The following NXPE1 variants were observed in gnomAD, a reference collection of about 807,000 sequenced individuals.
NXPE1 encodes NXPE family member 1.
NXPE1 carries 31 observed loss-of-function variants against 33.3 expected under a neutral mutation model. That is an observed-to-expected ratio of 0.93 (90% CI 0.70 to 1.26). The LOEUF is 1.26. Ranked by LOEUF, NXPE1 falls within the 50% of genes most tolerant of loss-of-function variation. The pLI, the probability that NXPE1 is intolerant of heterozygous loss-of-function variation, is 0.00. For synonymous variants in NXPE1, 229 were observed against 231.4 expected (o/e 0.99, Z 0.09); for missense variants, 661 against 655.6 (o/e 1.01, Z -0.09).
chr11:114,532,855 G>A (rs951210830), intron 5 of NXPE1, among the ~76,000 whole-genome samples: 8 of 152,086 alleles, frequency 5.3e-5, no homozygotes, highest in Admixed American at 6.6e-5. Flanking sequence ...AAATCTTGTA[G>A]TATAATTTAT....
chr11:114,550,211 G>A (rs1948426758), intron 5 of NXPE1, among the ~76,000 whole-genome samples: 1 of 152,118 alleles, frequency 6.6e-6, no homozygotes. Context: ...AGACAGGCCA[G>A]TTAGAAAGTT....
intron 5 of NXPE1, among the ~76,000 whole-genome samples, chr11:114,541,364 C>T (rs1019179045): frequency 6.6e-6 from 1 of 151,996 alleles, no homozygotes; most frequent in Non-Finnish European, 1.5e-5. Flanking sequence ...TAACTATGCT[C>T]AATGAGGTAA....
intron 8 of NXPE1, 120 bp downstream of exon 8, chr11:114,522,759 C>G: frequency 1.4e-6 from 1 of 728,272 alleles, no homozygotes; most frequent in Non-Finnish European, 2.3e-6. Context: ...TGTAAAGGTT[C>G]AAATCCAGAG....
chr11:114,556,800 C>T (rs1048443612), intron 1 of NXPE1, among the ~76,000 whole-genome samples: 3 of 151,872 alleles, frequency 2.0e-5, no homozygotes, highest in Admixed American at 6.6e-5. Flanking sequence ...ATTTATATTT[C>T]ATATTATCGT....
intron 5 of NXPE1, among the ~76,000 whole-genome samples, chr11:114,539,990 T>G (rs993101348): frequency 3.9e-5 from 6 of 152,220 alleles, no homozygotes; most frequent in African/African-American, 1.4e-4. Context: ...AAAAGTTCAA[T>G]ATAAAGACAT....
chr11:114,538,853 A>C (rs1947957274), intron 5 of NXPE1, among the ~76,000 whole-genome samples: 1 of 152,180 alleles, frequency 6.6e-6, no homozygotes. Flanking sequence ...AAACTAGTTC[A>C]ACCATTGTGG....
chr11:114,520,560 ATGC>A (rs1459348061), downstream of NXPE1, among the ~76,000 whole-genome samples: 2 of 152,184 alleles, frequency 1.3e-5, no homozygotes, highest in Admixed American at 6.5e-5. Context: ...ATTGTGAATA[ATGC>A]TGCAGTGAGC....
chr11:114,536,464 A>T (rs1947829307), intron 5 of NXPE1, among the ~76,000 whole-genome samples: 1 of 152,166 alleles, frequency 6.6e-6, no homozygotes, highest in Non-Finnish European at 1.5e-5. Flanking sequence ...GAGACAAAAA[A>T]CCCTTCAAAA....
At chr11:114,549,008 T>C (rs1948375028) in intron 5 of NXPE1, among the ~76,000 whole-genome samples, 1 of 151,968 alleles carries the variant, frequency 6.6e-6, no homozygotes, top group Non-Finnish European at 1.5e-5. Flanking sequence ...AGTAACAAGA[T>C]GATTTTCACA....
intron 6 of NXPE1, 136 bp downstream of exon 6, chr11:114,530,039 C>T (rs906316025): frequency 2.3e-6 from 2 of 886,740 alleles, no homozygotes; most frequent in Admixed American, 2.6e-5. Flanking sequence ...GAGTAGAGGC[C>T]CCAAGAAGAC....
At chr11:114,529,309 AAGTCT>A (rs977408200) in intron 6 of NXPE1, 6 of 152,832 alleles carry the variant, frequency 3.9e-5, no homozygotes, top group African/African-American at 1.4e-4. Flanking sequence ...GAACTGATAG[AAGTCT>A]TAGGGCTTGG....
intron 5 of NXPE1, among the ~76,000 whole-genome samples, chr11:114,537,102 C>T (rs373019005): frequency 6.6e-6 from 1 of 152,074 alleles, no homozygotes; most frequent in Non-Finnish European, 1.5e-5. Flanking sequence ...GGTCTTCAAC[C>T]CTGGGATGCA....
chr11:114,542,182 A>G (rs1256564401), intron 5 of NXPE1, among the ~76,000 whole-genome samples: 1 of 152,076 alleles, frequency 6.6e-6, no homozygotes, highest in East Asian at 1.9e-4. Flanking sequence ...CTTAAATTCT[A>G]TTTTCTTTAC....
chr11:114,556,873 T>C (rs1948660297), intron 1 of NXPE1, among the ~76,000 whole-genome samples: 1 of 151,850 alleles, frequency 6.6e-6, no homozygotes. Context: ...TCTCTATTTC[T>C]ATTCCATTTT....
chr11:114,539,615 T>A (rs1409386696), intron 5 of NXPE1, among the ~76,000 whole-genome samples: 2 of 152,204 alleles, frequency 1.3e-5, no homozygotes, highest in African/African-American at 4.8e-5. Context: ...TTTTCTGTAT[T>A]TCTAATTAAA....
chr11:114,541,804 C>A (rs766461689), intron 5 of NXPE1, among the ~76,000 whole-genome samples: 1 of 152,070 alleles, frequency 6.6e-6, no homozygotes. Flanking sequence ...TCAGAAAGAA[C>A]CAAACAAATT....
chr11:114,524,466 G>A (rs141074754), intron 7 of NXPE1, among the ~76,000 whole-genome samples: 1 of 152,260 alleles, frequency 6.6e-6, no homozygotes, highest in East Asian at 1.9e-4. Context: ...GGTGCTGGTG[G>A]CAGAATTGGA....
At chr11:114,550,011 C>A (rs567737346) in intron 5 of NXPE1, among the ~76,000 whole-genome samples, 1 of 152,098 alleles carries the variant, frequency 6.6e-6, no homozygotes, top group Admixed American at 6.5e-5. Flanking sequence ...ACATTTAGCA[C>A]ACGTGTCCAA....
intron 5 of NXPE1, among the ~76,000 whole-genome samples, chr11:114,540,115 C>G (rs956439219): frequency 3.3e-5 from 5 of 152,302 alleles, no homozygotes; most frequent in South Asian, 2.1e-4. Flanking sequence ...GCCATCATGC[C>G]TGACTAATTT....
Sources: gnomAD v4.1 joint callset for allele counts (sites outside exome capture counted in the v4.1 genomes callset) on GRCh38, gnomAD v4.1.1 for gene constraint, MANE v1.5 for transcripts, NCBI Gene and HGNC (gene_info 2026-07-23, HGNC 2026-07-21) for gene names.